Variants in BTBD3 observed in about 807,000 individuals in gnomAD.
The protein encoded by BTBD3 is BTB/POZ domain-containing protein 3.
BTBD3 carries 14 observed loss-of-function variants against 41.6 expected under a neutral mutation model. The ratio of observed to expected loss-of-function variants is 0.34; its 90% CI spans 0.22 to 0.53. The LOEUF (loss-of-function observed/expected upper bound fraction) is 0.53. Ranked by LOEUF, BTBD3 falls within the 20% of genes least tolerant of loss-of-function variation. BTBD3 has a pLI of 0.95. For missense variants in BTBD3, 426 were observed against 654.7 expected (o/e 0.65, Z 3.81); for synonymous variants, 249 against 233.7 (o/e 1.07, Z -0.60).
chr20:11,921,617 G>T (rs1362699707), intron 3 of BTBD3: 1 of 152,200 alleles, frequency 6.6e-6, no homozygotes, highest in African/African-American at 2.4e-5. Flanking sequence ...CCATCAGTAG[G>T]TGACTTCGCC....
rs527825946 is a variant in BTBD3 at position 11,925,455 on chromosome 20, T to A, written c.*1789T>A. The A allele has an allele frequency of 6.5e-6, 1 of 152,696 alleles. No homozygotes were observed. The highest frequency in any genetic ancestry group is 1.5e-5 in the Non-Finnish European group (1 of 68,050). 9.5% of individuals were successfully genotyped at this position (152,696 alleles called of 1,614,324 possible). A position where few individuals can be genotyped will look rare whatever the true frequency, so the allele number is the denominator to read the frequency against. On this transcript the variant is annotated 3_prime_UTR_variant, in exon 4 of 4. Coordinates refer to ENST00000378226, the MANE Select transcript of BTBD3 (RefSeq NM_014962.4). ...TTATTGGAAATGTTTTAATCACTCT[T>A]GCCATTACCTACATCTATTAGCATA...
At chr20:11,915,429 A>G (rs532473117), upstream of BTBD3, among the ~76,000 whole-genome samples, 1 of 152,310 alleles carries the variant, frequency 6.6e-6, no homozygotes, top group East Asian at 1.9e-4. Flanking sequence ...AACATATGGC[A>G]CCAGATGTTG....
At chr20:11,910,565 T>C (rs1488038354) in intron 1 of BTBD3, 1 of 152,234 alleles carries the variant, frequency 6.6e-6, no homozygotes, top group East Asian at 1.9e-4. Context: ...TGTTTCTCTC[T>C]CTTAAGCTAA....
chr20:11,896,846 T>A (rs1201990061), intron 1 of BTBD3, among the ~76,000 whole-genome samples: 1 of 152,230 alleles, frequency 6.6e-6, no homozygotes, highest in African/African-American at 2.4e-5. Flanking sequence ...GGGAAGAATG[T>A]AGTATAACAT....
intron 2 of BTBD3, 116 bp from the exon 3 acceptor site, chr20:11,919,602 A>G: frequency 3.3e-6 from 4 of 1,224,148 alleles, no homozygotes; most frequent in Non-Finnish European, 4.7e-6. Context: ...TCAAAGCAGT[A>G]GATTTTAGGT....
intron 1 of BTBD3, among the ~76,000 whole-genome samples, chr20:11,908,865 G>T (rs897786975): frequency 6.6e-6 from 1 of 152,146 alleles, no homozygotes; most frequent in Admixed American, 6.5e-5. Flanking sequence ...TATATTTAAG[G>T]TTATACCAAC....
chr20:11,897,766 G>A (rs1031304734), intron 1 of BTBD3, among the ~76,000 whole-genome samples: 23 of 152,112 alleles, frequency 1.5e-4, no homozygotes, highest in African/African-American at 5.6e-4. Flanking sequence ...TAACATCAGA[G>A]TGATCTTTTA....
chr20:11,918,216 T>A lies in BTBD3; in HGVS notation c.-60T>A. 1 of 1,506,588 alleles carries A rather than the reference T, an allele frequency of 6.6e-7. No individual in the cohort carries two copies. Among genetic ancestry groups the A allele is most frequent in the Non-Finnish European group, 8.8e-7 (1 of 1,137,566 alleles). The allele number at this position is 1,506,588 out of a possible 1,614,324, so 93.3% of individuals were successfully genotyped here. A position where few individuals can be genotyped will look rare whatever the true frequency, so the allele number is the denominator to read the frequency against. Reference sequence around the variant, plus strand: ...AACCTCTTAGCCCGGGCTAATCTCTTTTCCTTGATGTTCAAACCAATTTGG... The same window carrying A: ...AACCTCTTAGCCCGGGCTAATCTCTATTCCTTGATGTTCAAACCAATTTGG... On this transcript the variant is annotated 5_prime_UTR_variant, in exon 1 of 4. Coordinates refer to ENST00000378226, the MANE Select transcript of BTBD3 (RefSeq NM_014962.4).
intron 1 of BTBD3, among the ~76,000 whole-genome samples, chr20:11,897,105 A>G (rs2056791467): frequency 6.6e-6 from 1 of 151,844 alleles, no homozygotes; most frequent in Non-Finnish European, 1.5e-5. Flanking sequence ...TTGTTTTTAA[A>G]TTTGTGTTGG....
intron 1 of BTBD3, chr20:11,909,294 G>A (rs1297918931): frequency 6.7e-6 from 1 of 148,858 alleles, no homozygotes; most frequent in Non-Finnish European, 1.5e-5. Flanking sequence ...AAAAAAAGTA[G>A]CATAAAATGT....
At chr20:11,908,445 G>T (rs1215360166) in intron 1 of BTBD3, among the ~76,000 whole-genome samples, 2 of 147,810 alleles carry the variant, frequency 1.4e-5, no homozygotes, top group Non-Finnish European at 3.0e-5. Flanking sequence ...TATAAATGCT[G>T]TCCTCCCTAT....
At chr20:11,902,986 A>G (rs1271382171) in intron 1 of BTBD3, among the ~76,000 whole-genome samples, 1 of 152,160 alleles carries the variant, frequency 6.6e-6, no homozygotes, top group East Asian at 1.9e-4. Flanking sequence ...TTTCCAATAT[A>G]GTTATTGAAA....
chr20:11,892,595 A>C (rs980814026), intron 1 of BTBD3: 2 of 152,202 alleles, frequency 1.3e-5, no homozygotes, highest in African/African-American at 4.8e-5. Flanking sequence ...ATACTTACAG[A>C]TTATTAACGC....
chr20:11,901,714 G>T (rs142728429), intron 1 of BTBD3, among the ~76,000 whole-genome samples: 1 of 152,104 alleles, frequency 6.6e-6, no homozygotes, highest in Non-Finnish European at 1.5e-5. Context: ...ATATCTCCTA[G>T]CATATACTCA....
chr20:11,894,288 C>T (rs2056773365), intron 1 of BTBD3, among the ~76,000 whole-genome samples: 1 of 152,198 alleles, frequency 6.6e-6, no homozygotes, highest in Non-Finnish European at 1.5e-5. Flanking sequence ...TTCGGATTTA[C>T]TCAGGTTAGA....
intron 1 of BTBD3, among the ~76,000 whole-genome samples, chr20:11,906,595 A>G (rs895319747): frequency 1.3e-5 from 2 of 152,070 alleles, no homozygotes; most frequent in Non-Finnish European, 2.9e-5. Context: ...GAATATATAG[A>G]TGGAAGTTGA....
rs916313235 is a variant in BTBD3 at position 11,925,436 on chromosome 20, G to A, written c.*1770G>A. On this transcript the variant is annotated 3_prime_UTR_variant, in exon 4 of 4. Transcript: ENST00000378226. ...GAGGGAGGAGAACACTGGATTATTG[G>A]AAATGTTTTAATCACTCTTGCCATT... 11 of 152,656 alleles carry A rather than the reference G, an allele frequency of 7.2e-5. No homozygotes were observed. The highest frequency in any genetic ancestry group is 2.7e-4 in the African/African-American group (11 of 41,450). The allele number at this position is 152,656 out of a possible 1,614,324, so 9.5% of individuals were successfully genotyped here. A position where few individuals can be genotyped will look rare whatever the true frequency, so the allele number is the denominator to read the frequency against.
At chr20:11,918,714 C>A in intron 1 of BTBD3, 113 bp downstream of exon 1, 1 of 1,186,142 alleles carries the variant, frequency 8.4e-7, no homozygotes, top group Non-Finnish European at 1.2e-6. Flanking sequence ...TTCCCAGAAG[C>A]TTTTTATTGG....
chr20:11,895,975 T>C (rs763197735), intron 1 of BTBD3, among the ~76,000 whole-genome samples: 20 of 152,278 alleles, frequency 1.3e-4, no homozygotes, highest in Non-Finnish European at 2.4e-4. Flanking sequence ...CTCTATGTCT[T>C]CTAGAAAGAT....
Sources: allele counts gnomAD v4.1 joint callset (sites outside exome capture counted in the v4.1 genomes callset), GRCh38; gene constraint gnomAD v4.1.1; transcripts MANE v1.5; gene names NCBI Gene and HGNC (gene_info 2026-07-23, HGNC 2026-07-21).